The following MAGI3 variants were observed in gnomAD, a reference collection of about 807,000 sequenced individuals.
The protein encoded by MAGI3 is membrane-associated guanylate kinase, WW and PDZ domain-containing protein 3.
In MAGI3, 43 loss-of-function variants were observed where a neutral mutation model predicts 121.8. That is an observed-to-expected ratio of 0.35 (90% CI 0.28 to 0.46). MAGI3 has a LOEUF of 0.46. Among genes scored for constraint, MAGI3 ranks in the 20% least tolerant of loss-of-function variants. The pLI, the probability that MAGI3 is intolerant of heterozygous loss-of-function variation, is 1.00. For missense variants in MAGI3, 1,547 were observed against 1,797.3 expected (o/e 0.86, Z 2.52); for synonymous variants, 553 against 639.3 (o/e 0.86, Z 2.04).
chr1:113,616,393 G>A (rs1170734345), intron 7 of MAGI3, among the ~76,000 whole-genome samples: 2 of 152,152 alleles, frequency 1.3e-5, no homozygotes, highest in African/African-American at 4.8e-5. Flanking sequence ...GTTAGGTTTT[G>A]AATCTCGACC....
intron 20 of MAGI3, chr1:113,682,458 C>T: frequency 7.3e-7 from 1 of 1,364,580 alleles, no homozygotes; most frequent in South Asian, 1.9e-5. Context: ...TTACAAATGC[C>T]CATGAGCCTC....
intron 1 of MAGI3, among the ~76,000 whole-genome samples, chr1:113,429,025 C>A (rs967996648): frequency 2.0e-5 from 3 of 152,190 alleles, no homozygotes; most frequent in African/African-American, 7.2e-5. Context: ...CAGCTCTATT[C>A]TATTCTATTG....
In MAGI3 at chr1:113,683,000, C is replaced by T. The variant is rs768980454; in HGVS notation, c.3432C>T (p.His1144=). Residue 1144 remains histidine (H), a synonymous_variant, in exon 21 of 21, where the codon CAC becomes CAT. Coordinates refer to ENST00000307546, the MANE Select transcript of MAGI3 (RefSeq NM_001142782.2). ...TTGCTTCCATATTTGAAGAGTCTCA[C>T]GTGCCAGTAATTGAAGAATCTTTGA... ...SHFASIFEES[H]VPVIEESLRV... 1.5e-5 allele frequency: 25 copies of T among 1,613,702 alleles called. No individual in the cohort carries two copies. The highest frequency in any genetic ancestry group is 4.0e-5 in the African/African-American group (3 of 74,888).
chr1:113,615,987 T>C (rs1236918972), intron 7 of MAGI3, among the ~76,000 whole-genome samples: 3 of 152,190 alleles, frequency 2.0e-5, no homozygotes, highest in Non-Finnish European at 4.4e-5. Context: ...ATCAGCTATT[T>C]GCCATTGACA....
Position 113,672,683 on chromosome 1 carries a change from A to G in MAGI3, c.2987A>G (p.Lys996Arg), listed in dbSNP as rs753510830. ...TACAGACATTCTTGGTCAGACCACA[A>G]GCACCTTGCACAGCCTGACACCGCA... Reference protein sequence around the residue: ...TSYRHSWSDHKHLAQPDTAVI... With the variant: ...TSYRHSWSDHRHLAQPDTAVI... Residue 996 changes from lysine to arginine, a missense_variant, in exon 18 of 21, where the codon AAG becomes AGG. Coordinates refer to ENST00000307546, the MANE Select transcript of MAGI3 (RefSeq NM_001142782.2). 2 of 1,614,006 alleles carry G rather than the reference A, an allele frequency of 1.2e-6. No individual in the cohort carries two copies. The highest frequency in any genetic ancestry group is 1.7e-6 in the Non-Finnish European group (2 of 1,179,998).
intron 16 of MAGI3, among the ~76,000 whole-genome samples, chr1:113,661,586 A>AAAC (rs1653786662): frequency 6.6e-6 from 1 of 152,212 alleles, no homozygotes. Context: ...ATTACTGTTT[A>AAAC]ATGTTGATGG....
At chr1:113,619,487 A>G (rs1429230089) in intron 7 of MAGI3, among the ~76,000 whole-genome samples, 1 of 152,184 alleles carries the variant, frequency 6.6e-6, no homozygotes, top group African/African-American at 2.4e-5. Flanking sequence ...TATTGGCTAT[A>G]TTGGGTACGT....
intron 1 of MAGI3, among the ~76,000 whole-genome samples, chr1:113,481,789 A>G (rs369681624): frequency 6.6e-6 from 1 of 152,180 alleles, no homozygotes; most frequent in Non-Finnish European, 1.5e-5. Flanking sequence ...TGACTTGAAC[A>G]ACACAAATTT....
chr1:113,456,426 G>T (rs1654762837), intron 1 of MAGI3, among the ~76,000 whole-genome samples: 1 of 152,030 alleles, frequency 6.6e-6, no homozygotes, highest in African/African-American at 2.4e-5. Context: ...TATACATATA[G>T]AAAGCTATCC....
At chr1:113,613,687 G>C (rs774327231) in intron 6 of MAGI3, among the ~76,000 whole-genome samples, 2 of 152,066 alleles carry the variant, frequency 1.3e-5, no homozygotes, top group Non-Finnish European at 2.9e-5. Context: ...CACAACAGTG[G>C]ACTTTTAAAA....
intron 6 of MAGI3, among the ~76,000 whole-genome samples, chr1:113,602,821 G>C (rs1450026873): frequency 6.6e-6 from 1 of 152,148 alleles, no homozygotes; most frequent in East Asian, 1.9e-4. Flanking sequence ...AGCTGCTCCA[G>C]AGGCTGAGGT....
rs144541235 is a variant in MAGI3 at position 113,536,703 on chromosome 1, A to G, written c.317-12812A>G. Among the ~76,000 whole-genome samples, 94 of 152,162 alleles carry G rather than the reference A, an allele frequency of 6.2e-4. No individual in the cohort carries two copies. The East Asian group carries it at 7.7e-3, about 12-fold the overall frequency. ...TGGTTCCAGCTAACATGACTGTTCC[A>G]GAGAGTACTTTGTGATTTTTCAGAA... is the stretch of plus-strand genomic sequence containing the variant. On this transcript the variant is annotated intron_variant, in intron 1 of 20. Coordinates refer to ENST00000307546, the MANE Select transcript of MAGI3 (RefSeq NM_001142782.2).
At chr1:113,643,472 T>G (rs1159909545) in intron 10 of MAGI3, among the ~76,000 whole-genome samples, 1 of 152,200 alleles carries the variant, frequency 6.6e-6, no homozygotes, top group African/African-American at 2.4e-5. Context: ...AGGTTTGATG[T>G]CAGTTTCCTG....
chr1:113,515,664 A>G (rs1657863231), intron 1 of MAGI3, among the ~76,000 whole-genome samples: 1 of 152,134 alleles, frequency 6.6e-6, no homozygotes. Context: ...AATACATGAC[A>G]GAGGTAGGAC....
chr1:113,552,160 A>G (rs1347332875), intron 2 of MAGI3, among the ~76,000 whole-genome samples: 2 of 151,994 alleles, frequency 1.3e-5, no homozygotes, highest in African/African-American at 2.4e-5. Context: ...TTTATCTTTT[A>G]TTCTGTGGGT....
In MAGI3 at chr1:113,672,725, G is replaced by T; in HGVS notation, c.3029G>T (p.Gly1010Val). Residue 1010 changes from glycine to valine, a missense_variant, in exon 18 of 21, where the codon GGC becomes GTC. Gly to Val is a moderately radical substitution (Grantham distance 109, BLOSUM62 -3). Coordinates refer to ENST00000307546, the MANE Select transcript of MAGI3 (RefSeq NM_001142782.2). ...GACACCGCAGTAATTTCAGTTGTAGGCAGTCGGCACAATCAGGTAAACAAA... is the reference window on the plus strand; with the variant it reads ...GACACCGCAGTAATTTCAGTTGTAGTCAGTCGGCACAATCAGGTAAACAAA... ...QPDTAVISVV[G>V]SRHNQNLGCY... 6.2e-7 allele frequency: 1 copy of T among 1,612,298 alleles called. No homozygotes were observed. The highest frequency in any genetic ancestry group is 8.5e-7 in the Non-Finnish European group (1 of 1,179,288).
At position 113,422,883 on chromosome 1, in the gene MAGI3, A is replaced by G. The variant is rs1279674446; in HGVS notation, c.316+31534A>G. On this transcript the variant is annotated intron_variant, in intron 1 of 20. Transcript: ENST00000307546. The surrounding 1 kb of genome is among the most constrained non-coding windows in gnomAD (Gnocchi z 4.3). The stretch of plus-strand genomic sequence containing the variant: ...CGGCCCCACCGCTACTTCCCATTGC[A>G]TGTGTGGCTGCCTGGTGCGGTGGAG... 2.6e-5 allele frequency among the ~76,000 whole-genome samples: 4 copies of G among 152,030 alleles called. No individual in the cohort carries two copies. The highest frequency in any genetic ancestry group is 6.5e-5 in the Admixed American group (1 of 15,278).
chr1:113,557,448 C>T (rs190236505), intron 2 of MAGI3, among the ~76,000 whole-genome samples: 4 of 152,326 alleles, frequency 2.6e-5, no homozygotes, highest in Non-Finnish European at 2.9e-5. Context: ...GAGGTGTGGC[C>T]AGACTGTTTC....
chr1:113,671,930 A>G, intron 17 of MAGI3, 94 bp downstream of exon 17: 1 of 1,068,164 alleles, frequency 9.4e-7, no homozygotes. Flanking sequence ...ATCCACCCCC[A>G]TGCAGTAATG....
Sources: allele counts gnomAD v4.1 joint callset (sites outside exome capture counted in the v4.1 genomes callset), GRCh38; gene constraint gnomAD v4.1.1; non-coding constraint Gnocchi (gnomAD v3.1); transcripts MANE v1.5; gene names NCBI Gene and HGNC (gene_info 2026-07-23, HGNC 2026-07-21).